DLGAP2: variants seen among roughly 807,000 people sequenced by gnomAD.
DLGAP2 encodes the protein DLG associated protein 2, also known as disks large-associated protein 2.
In DLGAP2, 26 loss-of-function variants were observed where a neutral mutation model predicts 100.3. That is an observed-to-expected ratio of 0.26 (90% CI 0.19 to 0.36). DLGAP2 has a LOEUF of 0.36. Among genes scored for constraint, DLGAP2 ranks in the 10% least tolerant of loss-of-function variants. The pLI is 1.00. For missense variants in DLGAP2, 1,858 were observed against 1,453.2 expected, an observed-to-expected ratio of 1.28 and a Z score of -4.53; for synonymous variants, 886 against 630.1, an observed-to-expected ratio of 1.41 and a Z score of -6.08.
At chr8:969,945 T>A (rs945386917) in intron 2 of DLGAP2, among the ~76,000 whole-genome samples, 1 of 152,248 alleles carries the variant, frequency 6.6e-6, no homozygotes, top group African/African-American at 2.4e-5. Context: ...CTTTTAATAT[T>A]CAAAACTATT....
intron 7 of DLGAP2, among the ~76,000 whole-genome samples, chr8:1,628,059 A>G (rs13264267): frequency 0.015 from 1,009 of 66,080 alleles, 23 homozygotes; most frequent in Middle Eastern, 0.033. Context: ...AGCTTGAGCC[A>G]ACCTCACATT....
At chr8:1,267,894 C>T (rs1172081166) in intron 3 of DLGAP2, among the ~76,000 whole-genome samples, 1 of 152,064 alleles carries the variant, frequency 6.6e-6, no homozygotes, top group Admixed American at 6.6e-5. Flanking sequence ...CATTTCATAG[C>T]CCTGTAGTTT....
chr8:1,234,500 G>A (rs1272668287), intron 2 of DLGAP2, among the ~76,000 whole-genome samples: 1 of 152,130 alleles, frequency 6.6e-6, no homozygotes, highest in African/African-American at 2.4e-5. Flanking sequence ...CAGGATTAGG[G>A]TGACCTCTCC....
chr8:1,507,760 G>A (rs1016678414), intron 4 of DLGAP2, among the ~76,000 whole-genome samples: 3 of 136,364 alleles, frequency 2.2e-5, no homozygotes, highest in East Asian at 2.4e-4. Flanking sequence ...CTCAGCCACC[G>A]AGTCTTCCTC....
intron 2 of DLGAP2, among the ~76,000 whole-genome samples, chr8:1,010,445 C>T (rs1016490278): frequency 9.9e-5 from 15 of 152,220 alleles, no homozygotes; most frequent in African/African-American, 3.4e-4. Flanking sequence ...CACACATACT[C>T]ATATTCTCAC....
At chr8:1,512,946 G>A (rs767846226) in intron 4 of DLGAP2, among the ~76,000 whole-genome samples, 12 of 152,086 alleles carry the variant, frequency 7.9e-5, no homozygotes, top group Non-Finnish European at 1.3e-4. Flanking sequence ...AGGCCACAGC[G>A]GAGAAAGATG....
At chr8:768,804 C>G (rs556047655) in intron 1 of DLGAP2, among the ~76,000 whole-genome samples, 1 of 152,254 alleles carries the variant, frequency 6.6e-6, no homozygotes, top group South Asian at 2.1e-4. Flanking sequence ...ATCGGAAAAC[C>G]TAACATTTAA....
At chr8:1,297,780 ACAC>A (rs1272810248) in intron 3 of DLGAP2, among the ~76,000 whole-genome samples, 2 of 103,374 alleles carry the variant, frequency 1.9e-5, no homozygotes, top group Non-Finnish European at 3.9e-5. Flanking sequence ...GCGTGAACAG[ACAC>A]CACGTGAGAC....
At chr8:1,595,489 C>T (rs901772106) in intron 6 of DLGAP2, among the ~76,000 whole-genome samples, 2 of 150,690 alleles carry the variant, frequency 1.3e-5, no homozygotes, top group Admixed American at 1.3e-4. Flanking sequence ...AGGTGAAACC[C>T]CGTCTCTACT....
At chr8:1,235,604 C>A (rs1199609806) in intron 2 of DLGAP2, among the ~76,000 whole-genome samples, 1 of 53,992 alleles carries the variant, frequency 1.9e-5, no homozygotes, top group African/African-American at 1.1e-4. Context: ...CACATGGTGC[C>A]GTGTCTACTT....
intron 3 of DLGAP2, among the ~76,000 whole-genome samples, chr8:1,287,469 A>AGC (rs370551152): frequency 2.2e-5 from 1 of 46,404 alleles, no homozygotes; most frequent in Admixed American, 2.7e-4. Context: ...GTTTCGGTTC[A>AGC]GCGTGTGTGT....
chr8:1,460,517 C>T (rs1182310965), intron 3 of DLGAP2, among the ~76,000 whole-genome samples: 1 of 152,200 alleles, frequency 6.6e-6, no homozygotes, highest in Non-Finnish European at 1.5e-5. Flanking sequence ...TCACGGCTGC[C>T]TTCCTGGAGC....
chr8:1,364,654 T>G (rs1222016338), intron 3 of DLGAP2, among the ~76,000 whole-genome samples: 2 of 152,176 alleles, frequency 1.3e-5, no homozygotes, highest in South Asian at 2.1e-4. Flanking sequence ...TGTGTCAAAG[T>G]GAAAATTGCT....
Position 1,641,935 on chromosome 8 carries a change from C to G in DLGAP2, c.1810+8889C>G, listed in dbSNP as rs1186101079. 4.3e-3 allele frequency among the ~76,000 whole-genome samples: 523 copies of G among 120,250 alleles called. 7 individuals carry two copies. The highest frequency in any genetic ancestry group is 0.02 in the African/African-American group (481 of 24,304). The allele number at this position is 120,250 out of a possible 152,430, so 78.9% of individuals were successfully genotyped here. On this transcript the variant is annotated intron_variant, in intron 8 of 14. Coordinates refer to ENST00000637795, the MANE Select transcript of DLGAP2 (RefSeq NM_001346810.2). ...CGCCGGCCCTCACCTGTGTCACCCT[C>G]GACCCCGCCGGTCCTCACCTGTGTC...
chr8:1,666,896 G>A (rs1047350303), intron 8 of DLGAP2, among the ~76,000 whole-genome samples: 13 of 152,188 alleles, frequency 8.5e-5, no homozygotes, highest in Admixed American at 6.5e-4. Context: ...GAAAGGATGT[G>A]TTTCCACCTG....
chr8:1,515,278 C>T (rs764067428), intron 4 of DLGAP2, among the ~76,000 whole-genome samples: 34 of 152,252 alleles, frequency 2.2e-4, no homozygotes, highest in Non-Finnish European at 4.6e-4. Flanking sequence ...GAAAAAGGAC[C>T]TGGGCCAGAG....
chr8:1,265,688 A>G (rs930594358), intron 3 of DLGAP2, among the ~76,000 whole-genome samples: 3 of 152,236 alleles, frequency 2.0e-5, no homozygotes, highest in East Asian at 1.9e-4. Context: ...CAAAGAATCA[A>G]TAAAGCCAGA....
intron 14 of DLGAP2, among the ~76,000 whole-genome samples, chr8:1,698,156 G>T (rs1016359778): frequency 6.6e-6 from 1 of 152,236 alleles, no homozygotes; most frequent in Admixed American, 6.5e-5. Context: ...CTGGCCACTA[G>T]TGGAGTTCCA....
intron 4 of DLGAP2, among the ~76,000 whole-genome samples, chr8:1,538,470 C>A (rs1801229546): frequency 6.6e-6 from 1 of 152,150 alleles, no homozygotes; most frequent in Non-Finnish European, 1.5e-5. Context: ...CTCTTAGATC[C>A]CCGGGCTGAT....
Sources: allele counts gnomAD v4.1 joint callset (sites outside exome capture counted in the v4.1 genomes callset), GRCh38; gene constraint gnomAD v4.1.1; transcripts MANE v1.5; gene names NCBI Gene and HGNC (gene_info 2026-07-23, HGNC 2026-07-21).